SVEP1: variants seen among roughly 807,000 people sequenced by gnomAD.
The protein encoded by SVEP1 is sushi, von Willebrand factor type A, EGF and pentraxin domain-containing protein 1.
SVEP1 carries 164 observed loss-of-function variants against 367.3 expected under a neutral mutation model. That is an observed-to-expected ratio of 0.45 (90% CI 0.39 to 0.51). SVEP1 has a LOEUF of 0.51. Ranked by LOEUF, SVEP1 falls within the 20% of genes least tolerant of loss-of-function variation. The pLI is 0.00. For synonymous variants in SVEP1, 1,666 were observed against 1,611.6 expected, an observed-to-expected ratio of 1.03 and a Z score of -0.81; for missense variants, 4,117 against 4,425.3, an observed-to-expected ratio of 0.93 and a Z score of 1.98.
Position 110,579,513 on chromosome 9 carries a change from C to T in SVEP1, c.31G>A (p.Gly11Ser), listed in dbSNP as rs1225470807. The change falls in exon 1 of 48, where the codon GGT becomes AGT. Residue 11 changes from glycine (G) to serine (S), a missense_variant. By Grantham distance (56) the Gly-to-Ser change is moderately conservative. Transcript: ENST00000374469. This position sits in a 1 kb window ranked among gnomAD's most constrained non-coding sequence, Gnocchi z 5.3. MWPRLAFCCW[G>S]LALVSGWATF... is the part of the protein sequence containing the mutation. ...GCCCAGCCCGAAACGAGCGCCAGAC[C>T]CCAGCAACAAAAGGCCAGGCGAGGC... The T allele has an allele frequency of 1.9e-6, 3 of 1,605,102 alleles. No homozygotes were observed. The highest frequency in any genetic ancestry group is 1.7e-5 in the Admixed American group (1 of 59,428).
chr9:110,538,160 G>C (rs1830102216), intron 3 of SVEP1, among the ~76,000 whole-genome samples: 1 of 151,916 alleles, frequency 6.6e-6, no homozygotes, highest in Non-Finnish European at 1.5e-5. Flanking sequence ...TGATAGACTG[G>C]AAAATGCACT....
chr9:110,536,843 G>T (rs1588097426), intron 3 of SVEP1, among the ~76,000 whole-genome samples: 2 of 151,934 alleles, frequency 1.3e-5, no homozygotes, highest in East Asian at 3.9e-4. Context: ...CATTTTATAA[G>T]AAGTTTTTCT....
intron 1 of SVEP1, among the ~76,000 whole-genome samples, chr9:110,569,142 T>C (rs1367091114): frequency 6.6e-6 from 1 of 151,416 alleles, no homozygotes; most frequent in East Asian, 2.0e-4. Context: ...CAAACAAACA[T>C]ACTTGGCATT....
At chr9:110,532,935 A>G (rs540294160) in intron 3 of SVEP1, among the ~76,000 whole-genome samples, 1 of 152,282 alleles carries the variant, frequency 6.6e-6, no homozygotes, top group South Asian at 2.1e-4. Context: ...TTCATGGAAG[A>G]TAATTTTTCC....
intron 36 of SVEP1, among the ~76,000 whole-genome samples, chr9:110,417,028 A>T (rs1169780): frequency 0.84 from 126,944 of 151,630 alleles, 53,354 homozygotes; most frequent in East Asian, 0.99. Flanking sequence ...AGACTCATAA[A>T]GGAATTCTGA....
Position 110,376,313 on chromosome 9 carries a change from C to T in SVEP1, c.10505-850G>A, listed in dbSNP as rs552420345. 7.2e-5 allele frequency among the ~76,000 whole-genome samples: 11 copies of T among 152,184 alleles called. No individual in the cohort carries two copies. The East Asian group carries it at 1.5e-3, about 21-fold the overall frequency. On this transcript the variant is annotated intron_variant, in intron 45 of 47. Transcript: ENST00000374469. ...GCCAAGCCAGACCTGTCGTGGGGTA[C>T]CCCAAAGTCAATGCTTACTAAGTCT...
intron 24 of SVEP1, among the ~76,000 whole-genome samples, chr9:110,449,636 T>G (rs1828662284): frequency 6.6e-6 from 1 of 152,202 alleles, no homozygotes; most frequent in South Asian, 2.1e-4. Context: ...TGAGCCGAGA[T>G]CGTGCTATTG....
intron 17 of SVEP1, among the ~76,000 whole-genome samples, chr9:110,466,760 C>CAAAAAAAAAAAAAAAAAAAAAAAAAAAAA (rs71371670): frequency 2.2e-5 from 1 of 46,424 alleles, no homozygotes; most frequent in African/African-American, 9.3e-5. Flanking sequence ...GACTCCATCT[C>CAAAAAAAAAAAAAAAAAAAAAAAAAAAAA]AAAAAAAAAA....
At chr9:110,543,802 G>A (rs1830184039) in intron 3 of SVEP1, among the ~76,000 whole-genome samples, 1 of 152,140 alleles carries the variant, frequency 6.6e-6, no homozygotes, top group Non-Finnish European at 1.5e-5. Flanking sequence ...GGGGAGTAAG[G>A]AATAGGGGTT....
chr9:110,387,500 A>ATTCCTCTTTCCTTCTTTT, intron 41 of SVEP1, 42 bp from the exon 42 acceptor site: 1 of 1,525,122 alleles, frequency 6.6e-7, no homozygotes. Context: ...TGCTTCCCCA[A>ATTCCTCTTTCCTTCTTTT]TTCCTCTTTC....
intron 8 of SVEP1, among the ~76,000 whole-genome samples, chr9:110,496,532 C>T (rs1402691567): frequency 6.6e-6 from 1 of 152,164 alleles, no homozygotes; most frequent in African/African-American, 2.4e-5. Flanking sequence ...TAACTGAAGG[C>T]TGCACTATCG....
At position 110,513,008 on chromosome 9, in the gene SVEP1, G is replaced by A; in HGVS notation, c.1221C>T (p.His407=). 6.2e-7 allele frequency: 1 copy of A among 1,613,990 alleles called. No individual in the cohort carries two copies. The highest frequency in any genetic ancestry group is 8.5e-7 in the Non-Finnish European group (1 of 1,179,888). Reference sequence around the variant, plus strand: ...TGCTTCCCACAAGATCAAATCCAGGGTGACATCGGACCCCACAGGCTGCAT... The same window carrying A: ...TGCTTCCCACAAGATCAAATCCAGGATGACATCGGACCCCACAGGCTGCAT... ...HFNAACGVRC[H]PGFDLVGSSI... Residue 407 remains histidine (H), a synonymous_variant, in exon 5 of 48, where the codon CAC becomes CAT. Transcript: ENST00000374469.
intron 3 of SVEP1, among the ~76,000 whole-genome samples, chr9:110,530,043 T>A (rs1564168724): frequency 6.6e-6 from 1 of 152,168 alleles, no homozygotes; most frequent in Non-Finnish European, 1.5e-5. Flanking sequence ...ATGCCTTGTT[T>A]GCTGAGGGTT....
intron 40 of SVEP1, among the ~76,000 whole-genome samples, chr9:110,394,417 T>C (rs1472144435): frequency 6.6e-6 from 1 of 151,876 alleles, no homozygotes; most frequent in African/African-American, 2.4e-5. Flanking sequence ...CAGAGCAGAA[T>C]AACTGGAAAC....
In SVEP1 at chr9:110,375,408, A is replaced by G. The variant is rs1827335048; in HGVS notation, c.10560T>C (p.Cys3520=). ...ACCCCGTCCAGCCAGGCGGGCAGTC[A>G]CACTGGTAAGGGGCCACACAGCGAC... ...NGGRCVAPYQ[C]DCPPGWTGSR... Residue 3520 remains cysteine (C), a synonymous_variant, in exon 46 of 48, where the codon TGT becomes TGC. Coordinates refer to ENST00000374469, the MANE Select transcript of SVEP1 (RefSeq NM_153366.4). The G allele has an allele frequency of 6.6e-6, 10 of 1,524,882 alleles. No individual in the cohort carries two copies. The highest frequency in any genetic ancestry group is 8.0e-6 in the Non-Finnish European group (9 of 1,131,268). The allele number at this position is 1,524,882 out of a possible 1,614,324, so 94.5% of individuals were successfully genotyped here.
chr9:110,566,253 T>C (rs1293156705), intron 1 of SVEP1, among the ~76,000 whole-genome samples: 6 of 151,834 alleles, frequency 4.0e-5, no homozygotes, highest in Admixed American at 2.0e-4. Flanking sequence ...ACCTGGGAAG[T>C]TGAGGCTGCA....
chr9:110,436,342 G>T (rs772604002), intron 28 of SVEP1, 38 bp downstream of exon 28: 3 of 1,611,250 alleles, frequency 1.9e-6, no homozygotes, highest in Middle Eastern at 1.7e-4. Context: ...TTGTACCTTT[G>T]CATCTCATTA....
In SVEP1 at chr9:110,408,137, C is replaced by A. The variant is rs1482692066; in HGVS notation, c.7463G>T (p.Gly2488Val). 6.2e-7 allele frequency: 1 copy of A among 1,613,776 alleles called. No homozygotes were observed. The highest frequency in any genetic ancestry group is 8.5e-7 in the Non-Finnish European group (1 of 1,179,822). ...TLCGENGHWL[G>V]GKPTCKAIEC... ...AATGGCTTTACATGTTGGTTTTCCT[C>A]CAAGCCAGTGACCATTTTCTCCACA... Residue 2488 changes from glycine to valine, a missense_variant, in exon 38 of 48, where the codon GGA becomes GTA. Around this residue, in one of 4 missense-constraint regions of SVEP1, gnomAD observed 1,765 missense variants for 1,781.1 expected, o/e 0.99. Transcript: ENST00000374469.
chr9:110,408,452 G>A lies in SVEP1; in HGVS notation c.7148C>T (p.Pro2383Leu). Residue 2383 changes from proline (P) to leucine (L), a missense_variant, in exon 38 of 48, where the codon CCA (proline) becomes CTA (leucine). Coordinates refer to ENST00000374469, the MANE Select transcript of SVEP1 (RefSeq NM_153366.4). ...GACACCAAAGGAAATTAGGGGAGGT[G>A]GGGTACAAAGAACAATCTTACAAAC... ...FPVCKIVLCT[P>L]PPLISFGVPI... 1 of 1,613,970 alleles carries A rather than the reference G, an allele frequency of 6.2e-7. No homozygotes were observed. Among genetic ancestry groups the A allele is most frequent in the Non-Finnish European group, 8.5e-7 (1 of 1,179,876 alleles).
Sources: allele counts gnomAD v4.1 joint callset (sites outside exome capture counted in the v4.1 genomes callset), GRCh38; gene constraint gnomAD v4.1.1; regional missense constraint gnomAD v4.1.1; non-coding constraint Gnocchi (gnomAD v3.1); transcripts MANE v1.5; gene names NCBI Gene and HGNC (gene_info 2026-07-23, HGNC 2026-07-21).